ZNF593OS: variants seen among roughly 807,000 people sequenced by gnomAD.
ZNF593OS encodes transmembrane protein ZNF593OS.
downstream of ZNF593OS, chr1:26,170,370 T>A (rs2088477488): frequency 1.3e-6 from 2 of 1,582,028 alleles, no homozygotes; most frequent in African/African-American, 2.7e-5. Flanking sequence ...TAGGTGCACT[T>A]GGGAGACTAT....
chr1:26,170,249 G>C (rs1406775160), downstream of ZNF593OS: 5 of 1,577,434 alleles, frequency 3.2e-6, no homozygotes, highest in Non-Finnish European at 4.3e-6. Flanking sequence ...GAGATGTGAA[G>C]TTGAAGCCCC....
At chr1:26,169,958 C>T (rs917328333), downstream of ZNF593OS, 5 of 1,524,386 alleles carry the variant, frequency 3.3e-6, no homozygotes, top group East Asian at 2.4e-5. Flanking sequence ...CTCCTGGCCC[C>T]TTGGCCGGCC....
At chr1:26,170,688 A>T in exon 2 of ZNF593OS, 1 of 1,609,114 alleles carries the variant, frequency 6.2e-7, no homozygotes, top group African/African-American at 1.3e-5. Flanking sequence ...GTGTCCACTG[A>T]GGTCCCTGAG....
At chr1:26,169,841 G>T (rs1194267093), downstream of ZNF593OS, 10 of 895,660 alleles carry the variant, frequency 1.1e-5, no homozygotes, top group South Asian at 2.1e-5. Flanking sequence ...GCCGCTGGCC[G>T]AGAGTGACGT....
At chr1:26,170,337 G>C, downstream of ZNF593OS, 1 of 1,543,804 alleles carries the variant, frequency 6.5e-7, no homozygotes. Context: ...CCTGGCGTCA[G>C]GGACAAGCTA....
downstream of ZNF593OS, chr1:26,169,868 G>T (rs1255879090): frequency 2.5e-6 from 3 of 1,176,832 alleles, no homozygotes; most frequent in Non-Finnish European, 3.4e-6. Context: ...AGGCGGTCCG[G>T]CCGAGCCTGC....
chr1:26,170,210 G>A (rs2088472818), downstream of ZNF593OS: 1 of 1,577,448 alleles, frequency 6.3e-7, no homozygotes, highest in South Asian at 1.1e-5. Context: ...CCCGGCCTGG[G>A]GCGGAGGAGG....
chr1:26,170,232 C>A (rs1464471652), downstream of ZNF593OS: 1 of 1,581,134 alleles, frequency 6.3e-7, no homozygotes, highest in African/African-American at 1.3e-5. Context: ...TCCGCGGTAC[C>A]GGCCGGGAGA....
chr1:26,171,327 T>C lies in ZNF593OS; in HGVS notation c.54A>G (p.Val18=). The change falls in exon 2 of 2, where the codon GTA becomes GTG. Residue 18 remains valine (V), a synonymous_variant. Transcript: ENST00000648649. This position sits in a 1 kb window ranked among gnomAD's most constrained non-coding sequence, Gnocchi z 5.5. ...GGGGCTCTGCCTTCAGCTCACCAGC[T>C]ACCTGCATCTGGAGGTGCACAGAGG... is the stretch of plus-strand genomic sequence containing the variant. The C allele has an allele frequency of 2.5e-6, 1 of 400,958 alleles. No individual in the cohort carries two copies. The highest frequency in any genetic ancestry group is 3.6e-5 in the East Asian group (1 of 28,098). The allele number at this position is 400,958 out of a possible 1,614,324, so 24.8% of individuals were successfully genotyped here.
downstream of ZNF593OS, chr1:26,170,123 C>T: frequency 6.4e-7 from 1 of 1,571,850 alleles, no homozygotes. Context: ...CAGCCCGACC[C>T]AAACGCCGAG....
In ZNF593OS at chr1:26,170,845, C is replaced by T. The variant is rs994393923; in HGVS notation, c.*344G>A. On this transcript the variant is annotated 3_prime_UTR_variant, in exon 2 of 2. Coordinates refer to ENST00000648649, the Ensembl canonical transcript of ZNF593OS. ...CGGAGGGCCTCTTCTTGGTGCCCTGCCCCAAATAAAGGAACTGGACAAAGA... is the reference window on the plus strand; with the variant it reads ...CGGAGGGCCTCTTCTTGGTGCCCTGTCCCAAATAAAGGAACTGGACAAAGA... The T allele has an allele frequency of 7.3e-6, 9 of 1,236,852 alleles. No individual in the cohort carries two copies. The Admixed American group carries it at 8.1e-5, about 11-fold the overall frequency. 76.6% of individuals were successfully genotyped at this position (1,236,852 alleles called of 1,614,324 possible).
Position 26,170,602 on chromosome 1 carries a change from C to G in ZNF593OS, c.*587G>C. ...TGAAGCAGCTGAGCGTCGAGCCCTA[C>G]AGTCAGGAAGAGGCGGAGAGGGCAG... On this transcript the variant is annotated 3_prime_UTR_variant, in exon 2 of 2. Transcript: ENST00000648649. 1 of 1,613,770 alleles carries G rather than the reference C, an allele frequency of 6.2e-7. No homozygotes were observed. Among genetic ancestry groups the G allele is most frequent in the Non-Finnish European group, 8.5e-7 (1 of 1,180,028 alleles).
downstream of ZNF593OS, chr1:26,169,893 T>G (rs2088466406): frequency 7.5e-7 from 1 of 1,330,682 alleles, no homozygotes; most frequent in South Asian, 1.6e-5. Context: ...CCCCCCGGCG[T>G]GGCCTGACGT....
At chr1:26,169,740 G>A, downstream of ZNF593OS, 4 of 516,056 alleles carry the variant, frequency 7.8e-6, no homozygotes, top group Non-Finnish European at 3.3e-6. Flanking sequence ...CCCAGCGAGG[G>A]CCCGCGGGGC....
chr1:26,170,862 G>C (rs1375883208), exon 2 of ZNF593OS: 4 of 1,049,956 alleles, frequency 3.8e-6, no homozygotes, highest in African/African-American at 1.6e-5. Context: ...TAAAGGAACT[G>C]GACAAAGAGA....
downstream of ZNF593OS, chr1:26,169,942 G>T (rs541891538): frequency 4.9e-5 from 74 of 1,509,262 alleles, 1 homozygote; most frequent in South Asian, 7.4e-4. Flanking sequence ...TGTGCTCCCT[G>T]CCCTGCTCCT....
chr1:26,170,001 G>A (rs376306688), downstream of ZNF593OS: 3 of 1,552,250 alleles, frequency 1.9e-6, no homozygotes, highest in South Asian at 1.2e-5. Flanking sequence ...GCTCCCGCCG[G>A]ACAGGCGCGC....
In ZNF593OS at chr1:26,171,385, A is replaced by C. The variant is rs891190293; in HGVS notation, c.46-50T>G. On this transcript the variant is annotated intron_variant, in intron 1 of 1. Coordinates refer to ENST00000648649, the Ensembl canonical transcript of ZNF593OS. The surrounding 1 kb of genome is among the most constrained non-coding windows in gnomAD (Gnocchi z 5.5). ...TCAGGGGTCAGTTGAGACTGCCAGG[A>C]AGGTGGGGAGTGGGAAAGGGCTGAG... 4.3e-5 allele frequency: 17 copies of C among 399,300 alleles called. No individual in the cohort carries two copies. Among genetic ancestry groups the C allele is most frequent in the African/African-American group, 3.5e-4 (17 of 48,608 alleles). The allele number at this position is 399,300 out of a possible 1,614,324, so 24.7% of individuals were successfully genotyped here.
rs569739404 is a variant in ZNF593OS at position 26,171,823 on chromosome 1, G to A, written c.-162C>T. 8 of 396,042 alleles carry A rather than the reference G, an allele frequency of 2.0e-5. No individual in the cohort carries two copies. The East Asian group carries it at 2.5e-4, about 12-fold the overall frequency. The allele number at this position is 396,042 out of a possible 1,614,324, so 24.5% of individuals were successfully genotyped here. ...AGAGGATGCTCACCCGCGCCTGCCT[G>A]CCCAGGTCTGGCAGGGGGCGGAGCA... On this transcript the variant is annotated 5_prime_UTR_variant, in exon 1 of 2. Transcript: ENST00000648649. This position sits in a 1 kb window ranked among gnomAD's most constrained non-coding sequence, Gnocchi z 5.5.
Sources: allele counts gnomAD v4.1 joint callset, GRCh38; gene constraint gnomAD v4.1.1; non-coding constraint Gnocchi (gnomAD v3.1); transcripts MANE v1.5; gene names NCBI Gene and HGNC (gene_info 2026-07-23, HGNC 2026-07-21).